Variants in ROS1 observed in about 807,000 individuals in gnomAD.
The protein encoded by ROS1 is ROS proto-oncogene 1, receptor tyrosine kinase.
In ROS1, 263 loss-of-function variants were observed where a neutral mutation model predicts 273.5. The ratio of observed to expected loss-of-function variants is 0.96; its 90% CI spans 0.87 to 1.06. The LOEUF (loss-of-function observed/expected upper bound fraction) is 1.06. Ranked by LOEUF, ROS1 falls within the 50% of genes least tolerant of loss-of-function variation. The pLI is 0.00. For missense variants in ROS1, 2,833 were observed against 2,751.1 expected, an observed-to-expected ratio of 1.03 and a Z score of -0.67; for synonymous variants, 1,008 against 954.1, an observed-to-expected ratio of 1.06 and a Z score of -1.04.
intron 9 of ROS1, among the ~76,000 whole-genome samples, chr6:117,395,180 C>T (rs1773394726): frequency 6.6e-6 from 1 of 152,012 alleles, no homozygotes; most frequent in African/African-American, 2.4e-5. Flanking sequence ...GAAGAAAGGT[C>T]CTTAAAGGAA....
Position 117,310,173 on chromosome 6 carries a change from G to T in ROS1, c.6324C>A (p.Tyr2108Ter). The change falls in exon 41 of 44, where the codon TAC becomes TAA. Residue 2108 changes from tyrosine to a stop codon, truncating the protein, a stop_gained. Coordinates refer to ENST00000368507, the MANE Select transcript of ROS1 (RefSeq NM_001378902.1). LOFTEE classifies it high-confidence loss of function. The stretch of plus-strand genomic sequence containing the variant: ...GCAGGCCTTCCCCTCTCTTTCTATA[G>T]TAATCATTTTTATAGATGTCTCTGG... ...GLARDIYKND[Y>*]YRKRGEGLLP... 1 of 1,613,166 alleles carries T rather than the reference G, an allele frequency of 6.2e-7. No individual in the cohort carries two copies. Among genetic ancestry groups the T allele is most frequent in the Non-Finnish European group, 8.5e-7 (1 of 1,179,414 alleles).
At chr6:117,330,061 C>T (rs573024727) in intron 32 of ROS1, among the ~76,000 whole-genome samples, 3 of 152,332 alleles carry the variant, frequency 2.0e-5, no homozygotes, top group Admixed American at 2.0e-4. Flanking sequence ...CTGCCTAACA[C>T]GCTAATCTCC....
intron 18 of ROS1, among the ~76,000 whole-genome samples, chr6:117,367,316 A>G (rs1270182418): frequency 6.6e-6 from 1 of 152,234 alleles, no homozygotes; most frequent in African/African-American, 2.4e-5. Flanking sequence ...ACACCCAAAG[A>G]GCAAGAATTT....
At chr6:117,400,389 T>A (rs41528247) in intron 7 of ROS1, among the ~76,000 whole-genome samples, 2,540 of 152,346 alleles carry the variant, frequency 0.017, 62 homozygotes, top group African/African-American at 0.058. Flanking sequence ...CTTCTTAAAG[T>A]ATCCATGCAT....
At position 117,386,903 on chromosome 6, in the gene ROS1, A is replaced by G. The variant is rs758536297; in HGVS notation, c.2096T>C (p.Ile699Thr). ...FGPGEFLSSD[I>T]GNVSDMDWYN... ...TTGGGGTTTACCTGACACATTTCCT[A>G]TATCAGAGGATAAGAACTCTCCTGG... is the stretch of plus-strand genomic sequence containing the variant. The change falls in exon 15 of 44, where the codon ATA becomes ACA. Residue 699 changes from isoleucine to threonine, a missense_variant. Ile to Thr is a moderately conservative substitution (Grantham distance 89, BLOSUM62 -1). Coordinates refer to ENST00000368507, the MANE Select transcript of ROS1 (RefSeq NM_001378902.1). The G allele has an allele frequency of 2.5e-5, 39 of 1,589,682 alleles. No individual in the cohort carries two copies. The highest frequency in any genetic ancestry group is 3.2e-5 in the Non-Finnish European group (37 of 1,159,752).
rs1225424758 is a variant in ROS1 at position 117,321,299 on chromosome 6, C to T, written c.5719G>A (p.Ala1907Thr). The T allele has an allele frequency of 3.1e-6, 5 of 1,613,714 alleles. No homozygotes were observed. The African/African-American group carries it at 6.7e-5, about 22-fold the overall frequency. ...GCATTAGCCAGGCCTACTCCGGCTGCCAGACCTCGCAGCTCAGCCAACTCT... is the reference window on the plus strand; with the variant it reads ...GCATTAGCCAGGCCTACTCCGGCTGTCAGACCTCGCAGCTCAGCCAACTCT... The part of the protein sequence containing the change: ...DKELAELRGL[A>T]AGVGLANACY... Residue 1907 changes from alanine (A) to threonine (T), a missense_variant, in exon 36 of 44, where the codon GCA becomes ACA. Ala to Thr is a moderately conservative substitution (Grantham distance 58). Transcript: ENST00000368507.
chr6:117,363,375 C>A (rs533248260), intron 21 of ROS1, among the ~76,000 whole-genome samples: 4 of 152,228 alleles, frequency 2.6e-5, no homozygotes, highest in African/African-American at 9.6e-5. Context: ...GGAGGCTGAT[C>A]GTACCCCAAG....
intron 38 of ROS1, 92 bp from the exon 39 acceptor site, chr6:117,317,364 A>T: frequency 7.2e-7 from 1 of 1,392,872 alleles, no homozygotes. Flanking sequence ...CTTTATCAAT[A>T]GTTTCCTTCA....
chr6:117,397,120 G>A lies in ROS1; in HGVS notation c.605-4C>T, dbSNP rs1225196240. 7.5e-6 allele frequency: 12 copies of A among 1,598,484 alleles called. No homozygotes were observed. The highest frequency in any genetic ancestry group is 9.4e-6 in the Non-Finnish European group (11 of 1,166,386). ...ATCAAAGGTGCAGTTTCAGGAACTG[G>A]AAGAGATAATGGTGACATAATGAGC... On this transcript the variant is annotated splice_region_variant and splice_polypyrimidine_tract_variant and intron_variant, in intron 7 of 43. Coordinates refer to ENST00000368507, the MANE Select transcript of ROS1 (RefSeq NM_001378902.1).
chr6:117,351,625 G>C (rs1014170835), intron 27 of ROS1, among the ~76,000 whole-genome samples: 1 of 152,076 alleles, frequency 6.6e-6, no homozygotes, highest in Non-Finnish European at 1.5e-5. Context: ...AAAGATTTCA[G>C]CTCATGGGTT....
At chr6:117,370,959 G>C (rs564944762) in intron 18 of ROS1, among the ~76,000 whole-genome samples, 1 of 152,160 alleles carries the variant, frequency 6.6e-6, no homozygotes, top group Non-Finnish European at 1.5e-5. Context: ...ACCAAATGCC[G>C]TAATTAAAAT....
At position 117,342,482 on chromosome 6, in the gene ROS1, C is replaced by T. The variant is rs2128623984; in HGVS notation, c.4569G>A (p.Gln1523=). The T allele has an allele frequency of 1.9e-6, 3 of 1,604,814 alleles. No homozygotes were observed. The highest frequency in any genetic ancestry group is 1.1e-5 in the South Asian group (1 of 90,768). The change falls in exon 29 of 44, where the codon CAG becomes CAA. Residue 1523 remains glutamine (Q), a synonymous_variant. Coordinates refer to ENST00000368507, the MANE Select transcript of ROS1 (RefSeq NM_001378902.1). ...CTGAATAATAATTTTTTACAGCTAT[C>T]TGTATCATGTATGTTGAAAATGGTT... ...DLQPFSTYMI[Q]IAVKNYYSDP...
Position 117,288,225 on chromosome 6 carries a change from G to C in ROS1, c.*267C>G, listed in dbSNP as rs891349668. On this transcript the variant is annotated 3_prime_UTR_variant, in exon 44 of 44. Transcript: ENST00000368507. ...ACCTCAAGGGAGAAGGGAGAGCAGTGTTTCCCTTCCAGACTTCTGAGTCTT... is the reference window on the plus strand; with the variant it reads ...ACCTCAAGGGAGAAGGGAGAGCAGTCTTTCCCTTCCAGACTTCTGAGTCTT... The C allele has an allele frequency of 4.3e-6, 2 of 468,054 alleles. No individual in the cohort carries two copies. Among genetic ancestry groups the C allele is most frequent in the African/African-American group, 3.9e-5 (2 of 50,742 alleles). The allele number at this position is 468,054 out of a possible 1,614,324, so 29.0% of individuals were successfully genotyped here.
At chr6:117,317,026 T>C in intron 39 of ROS1, 117 bp downstream of exon 39, 2 of 1,071,742 alleles carry the variant, frequency 1.9e-6, no homozygotes, top group Non-Finnish European at 2.6e-6. Flanking sequence ...GAATAATTCT[T>C]TCCATGTAAG....
chr6:117,407,606 A>G (rs1024683287), intron 5 of ROS1, among the ~76,000 whole-genome samples: 1 of 152,136 alleles, frequency 6.6e-6, no homozygotes, highest in African/African-American at 2.4e-5. Flanking sequence ...TCAATACAAT[A>G]TGCCTATACT....
At chr6:117,417,050 G>A (rs189310970) in intron 2 of ROS1, among the ~76,000 whole-genome samples, 1 of 152,036 alleles carries the variant, frequency 6.6e-6, no homozygotes, top group East Asian at 1.9e-4. Context: ...TTCTCCCGGA[G>A]CGAGTTCATC....
intron 18 of ROS1, among the ~76,000 whole-genome samples, chr6:117,369,522 C>T (rs1780567033): frequency 1.3e-5 from 2 of 151,608 alleles, no homozygotes; most frequent in African/African-American, 2.4e-5. Context: ...TGCAGTGAGC[C>T]GAGATCGCGC....
chr6:117,312,875 T>C (rs1024474641), intron 39 of ROS1, among the ~76,000 whole-genome samples: 9 of 152,068 alleles, frequency 5.9e-5, no homozygotes, highest in African/African-American at 1.9e-4. Flanking sequence ...AGTGGGAAAG[T>C]ATAGTTCAGC....
At chr6:117,409,726 A>T in intron 4 of ROS1, 84 bp from the exon 5 acceptor site, 1 of 979,174 alleles carries the variant, frequency 1.0e-6, no homozygotes, top group East Asian at 2.4e-5. Flanking sequence ...TAAAATCCGA[A>T]TGCCTAATAT....
Sources: allele counts gnomAD v4.1 joint callset (sites outside exome capture counted in the v4.1 genomes callset), GRCh38; gene constraint gnomAD v4.1.1; transcripts MANE v1.5; gene names NCBI Gene and HGNC (gene_info 2026-07-23, HGNC 2026-07-21).